COG4: variants seen among roughly 807,000 people sequenced by gnomAD.
COG4 encodes component of oligomeric golgi complex 4.
Under a neutral mutation model 95.1 loss-of-function variants are expected in COG4, and 65 were observed. The observed-to-expected ratio is 0.68, with a 90% CI of 0.56 to 0.84. The LOEUF (loss-of-function observed/expected upper bound fraction) is 0.84, where lower values mean the gene tolerates loss of function less well. COG4 is among the 40% of genes least tolerant of loss of function. The pLI, the probability that COG4 is intolerant of heterozygous loss-of-function variation, is 0.00. For missense variants in COG4, 1,045 were observed against 989.1 expected, an observed-to-expected ratio of 1.06 and a Z score of -0.76; for synonymous variants, 421 against 374.8, an observed-to-expected ratio of 1.12 and a Z score of -1.42.
chr16:70,482,579 G>C (rs889755337), intron 15 of COG4, 150 bp downstream of exon 15: 1 of 715,714 alleles, frequency 1.4e-6, no homozygotes, highest in Admixed American at 2.0e-5. Flanking sequence ...ACTGTTTCCT[G>C]GGAGGAACCT....
chr16:70,482,693 C>A (rs765088543), intron 15 of COG4, 36 bp downstream of exon 15: 7 of 1,550,004 alleles, frequency 4.5e-6, no homozygotes, highest in South Asian at 1.1e-5. Context: ...GATGAGGGGT[C>A]ATCGGGGCTT....
At chr16:70,491,275 A>G (rs149320923) in intron 12 of COG4, among the ~76,000 whole-genome samples, 18,292 of 150,386 alleles carry the variant, frequency 0.12, 3,641 homozygotes, top group African/African-American at 0.42. Context: ...AGCACTTTGG[A>G]AGGCCAAGGC....
intron 2 of COG4, 96 bp from the exon 3 acceptor site, chr16:70,517,836 C>T (rs2049856416): frequency 1.3e-6 from 1 of 775,586 alleles, no homozygotes; most frequent in Admixed American, 1.9e-5. Flanking sequence ...CTACTTCTTT[C>T]ATACCTACCT....
At chr16:70,490,910 C>T (rs996391541) in intron 12 of COG4, among the ~76,000 whole-genome samples, 10 of 151,976 alleles carry the variant, frequency 6.6e-5, no homozygotes, top group East Asian at 3.9e-4. Context: ...CTGCCCACCT[C>T]GGCCTCCCAA....
intron 3 of COG4, among the ~76,000 whole-genome samples, chr16:70,517,061 G>T (rs2049836664): frequency 6.6e-6 from 1 of 152,018 alleles, no homozygotes; most frequent in Admixed American, 6.6e-5. Context: ...ACCATGTCCA[G>T]CTAATTTTTG....
intron 14 of COG4, 51 bp downstream of exon 14, chr16:70,483,802 A>G: frequency 1.5e-6 from 2 of 1,376,562 alleles, no homozygotes; most frequent in South Asian, 2.3e-5. Flanking sequence ...CAATCTTCTC[A>G]GAGCAACACA....
rs760742540 is a variant in COG4, at chr16:70,481,441, T to C, written c.2153A>G (p.Tyr718Cys). 3.8e-5 allele frequency: 62 copies of C among 1,612,712 alleles called. No individual in the cohort carries two copies. In the East Asian group the frequency reaches 9.8e-4, roughly 26 times the overall value. ...GGTCCAGGTGGTCACCGTGGTAAGGTAGGCAATGAGCGACCTCAGCTCCTT... is the reference window on the plus strand; with the variant it reads ...GGTCCAGGTGGTCACCGTGGTAAGGCAGGCAATGAGCGACCTCAGCTCCTT... ...FDKELRSLIA[Y>C]LTTVTTWTIR... The change falls in exon 18 of 19, where the codon TAC becomes TGC. Residue 718 changes from tyrosine (Y) to cysteine (C), a missense_variant. By Grantham distance (194) the Tyr-to-Cys change is radical. Transcript: ENST00000323786.
At chr16:70,499,699 G>A (rs1037299792) in intron 9 of COG4, among the ~76,000 whole-genome samples, 1 of 152,034 alleles carries the variant, frequency 6.6e-6, no homozygotes, top group Non-Finnish European at 1.5e-5. Context: ...CTCGCTTGTC[G>A]CCCAGGCTGG....
At position 70,482,190 on chromosome 16, in the gene COG4, C is replaced by G; in HGVS notation, c.1921-15G>C. Reference sequence around the variant, plus strand: ...TTGAATTCTTCCTGTTGTCAGGAAGCAGGGCTGGTCACCATGGGCCTCATA... The same window carrying G: ...TTGAATTCTTCCTGTTGTCAGGAAGGAGGGCTGGTCACCATGGGCCTCATA... On this transcript the variant is annotated splice_polypyrimidine_tract_variant and intron_variant, in intron 15 of 18. Transcript: ENST00000323786. 6.4e-7 allele frequency: 1 copy of G among 1,558,212 alleles called. No individual in the cohort carries two copies.
In COG4 at chr16:70,523,540, C is replaced by A. The variant is rs755175117; in HGVS notation, c.4G>T (p.Gly2Trp). Residue 2 changes from glycine to tryptophan, a missense_variant, in exon 1 of 19, where the codon GGG becomes TGG. Coordinates refer to ENST00000323786, the MANE Select transcript of COG4 (RefSeq NM_015386.3). Reference protein sequence around the residue: MGTKMADLDSPP... With the variant: MWTKMADLDSPP... The stretch of plus-strand genomic sequence containing the variant: ...GAATCAAGGTCCGCCATCTTGGTCC[C>A]CATTCGGCACTTCCGGTCCCGCGAG... The A allele has an allele frequency of 1.9e-6, 3 of 1,613,764 alleles. No individual in the cohort carries two copies. The highest frequency in any genetic ancestry group is 2.5e-6 in the Non-Finnish European group (3 of 1,180,042).
At chr16:70,508,520 T>C in intron 7 of COG4, 56 bp from the exon 8 acceptor site, 1 of 1,473,556 alleles carries the variant, frequency 6.8e-7, no homozygotes, top group African/African-American at 1.4e-5. Context: ...TCTATTGGCC[T>C]CTTGCTGGTC....
intron 5 of COG4, among the ~76,000 whole-genome samples, chr16:70,511,932 CAA>C (rs550101410): frequency 1.5e-5 from 2 of 134,838 alleles, no homozygotes; most frequent in Non-Finnish European, 1.6e-5. Flanking sequence ...AACTCCATCT[CAA>C]AAAAAAAAAA....
Position 70,497,812 on chromosome 16 carries a change from C to G in COG4, c.1314+125G>C, listed in dbSNP as rs184805781. On this transcript the variant is annotated intron_variant, in intron 10 of 18. Coordinates refer to ENST00000323786, the MANE Select transcript of COG4 (RefSeq NM_015386.3). The stretch of plus-strand genomic sequence containing the variant: ...TCTCTAAACATACAAAGTGGTACCA[C>G]TCAATCTGCATGCAAGAGTATTCTC... 6.4e-6 allele frequency: 5 copies of G among 778,754 alleles called. No individual in the cohort carries two copies. The African/African-American group carries it at 8.4e-5, about 13-fold the overall frequency. The allele number at this position is 778,754 out of a possible 1,614,324, so 48.2% of individuals were successfully genotyped here. A position where few individuals can be genotyped will look rare whatever the true frequency, so the allele number is the denominator to read the frequency against.
chr16:70,495,401 A>C (rs1027522128), intron 12 of COG4, among the ~76,000 whole-genome samples: 4 of 151,076 alleles, frequency 2.6e-5, no homozygotes, highest in Non-Finnish European at 5.9e-5. Context: ...CCATCTCAAA[A>C]AAAAAAAAAA....
Position 70,498,061 on chromosome 16 carries a change from G to A in COG4, c.1196-6C>T, listed in dbSNP as rs1476881586. Reference sequence around the variant, plus strand: ...GTCCAGACACTTCTGGTGCTCTAGGGGACAGCCAAGAAAGGAATACTCATT... The same window carrying A: ...GTCCAGACACTTCTGGTGCTCTAGGAGACAGCCAAGAAAGGAATACTCATT... On this transcript the variant is annotated splice_region_variant and splice_polypyrimidine_tract_variant and intron_variant, in intron 9 of 18. Transcript: ENST00000323786. The A allele has an allele frequency of 9.5e-6, 15 of 1,575,034 alleles. No homozygotes were observed. Among genetic ancestry groups the A allele is most frequent in the Non-Finnish European group, 1.3e-5 (15 of 1,144,668 alleles).
At chr16:70,482,265 T>C in intron 15 of COG4, 90 bp from the exon 16 acceptor site, 1 of 869,908 alleles carries the variant, frequency 1.1e-6, no homozygotes, top group South Asian at 1.3e-5. Context: ...GAAAATAATG[T>C]AAAACATTCT....
chr16:70,485,199 G>GTC (rs1159605797), intron 13 of COG4, among the ~76,000 whole-genome samples: 4 of 146,166 alleles, frequency 2.7e-5, no homozygotes, highest in East Asian at 2.0e-4. Context: ...GTGAGACCCT[G>GTC]TCTCTCTTTT....
intron 5 of COG4, 124 bp downstream of exon 5, chr16:70,512,093 CAGTCCTGCATGGCTACACAGCA>C: frequency 3.8e-6 from 3 of 782,734 alleles, no homozygotes; most frequent in East Asian, 2.7e-5. Flanking sequence ...CACATGCATC[CAGTCCTGCATGGCTACACAGCA>C]AGGGCAGGAA....
rs943189942 is a variant in COG4 at position 70,505,780 on chromosome 16, G to C, written c.1061+2626C>G. 2.6e-5 allele frequency among the ~76,000 whole-genome samples: 4 copies of C among 151,986 alleles called. No homozygotes were observed. The South Asian group carries it at 6.2e-4, about 24-fold the overall frequency. On this transcript the variant is annotated intron_variant, in intron 8 of 18. Coordinates refer to ENST00000323786, the MANE Select transcript of COG4 (RefSeq NM_015386.3). Reference sequence around the variant, plus strand: ...GGAGGTGGAGCTTGCAGTGAGCCGAGATAGCGCCACTGCACTTCAGCCTGG... The same window carrying C: ...GGAGGTGGAGCTTGCAGTGAGCCGACATAGCGCCACTGCACTTCAGCCTGG...
Sources: gnomAD v4.1 joint callset for allele counts (sites outside exome capture counted in the v4.1 genomes callset) on GRCh38, gnomAD v4.1.1 for gene constraint, MANE v1.5 for transcripts, NCBI Gene and HGNC (gene_info 2026-07-23, HGNC 2026-07-21) for gene names.